Variants in ALG12 observed in about 807,000 individuals in gnomAD.
ALG12 encodes the protein ALG12 alpha-1,6-mannosyltransferase, also known as dol-P-Man:Man(7)GlcNAc(2)-PP-Dol alpha-1,6-mannosyltransferase.
ALG12 carries 36 observed loss-of-function variants against 46.0 expected under a neutral mutation model. That is an observed-to-expected ratio of 0.78 (90% CI 0.60 to 1.03). The LOEUF (loss-of-function observed/expected upper bound fraction) is 1.03, where lower values mean the gene tolerates loss of function less well. ALG12 is among the 50% of genes least tolerant of loss of function. ALG12 has a pLI of 0.00. For missense variants in ALG12, 599 were observed against 633.5 expected, an observed-to-expected ratio of 0.95 and a Z score of 0.58; for synonymous variants, 326 against 291.6, an observed-to-expected ratio of 1.12 and a Z score of -1.20.
At chr22:49,862,374 G>A in the ALG12 span, among the ~76,000 whole-genome samples, 7 of 152,252 alleles carry the variant, frequency 4.6e-5, no homozygotes, top group Non-Finnish European at 8.8e-5. Flanking sequence ...AAGTAGCTGG[G>A]ACTACGGGCG....
chr22:49,913,975 A>G (rs2060596403), intron 1 of ALG12, 132 bp from the exon 2 acceptor site: 1 of 622,780 alleles, frequency 1.6e-6, no homozygotes, highest in Non-Finnish European at 2.8e-6. Context: ...CTGAAAACGC[A>G]TCAAGATGGA....
At chr22:49,885,900 C>G in the ALG12 span, 1 of 1,058,980 alleles carries the variant, frequency 9.4e-7, no homozygotes. Context: ...ACCTGACCCT[C>G]ACGGCCCACT....
chr22:49,892,826 T>G, the ALG12 span, among the ~76,000 whole-genome samples: 1 of 152,128 alleles, frequency 6.6e-6, no homozygotes, highest in Non-Finnish European at 1.5e-5. Flanking sequence ...GATAAACAGT[T>G]TGACTCTCAT....
At chr22:49,918,093 T>C (rs1236899134) in intron 1 of ALG12, 170 bp downstream of exon 1, 1 of 134,092 alleles carries the variant, frequency 7.5e-6, no homozygotes, top group African/African-American at 3.1e-5. Context: ...CGGCCCCAAG[T>C]GAGGGGTGCA....
chr22:49,887,274 A>T, the ALG12 span: 1 of 1,339,088 alleles, frequency 7.5e-7, no homozygotes, highest in Non-Finnish European at 1.0e-6. Flanking sequence ...GCTGTGTACG[A>T]CATCAGACCA....
At chr22:49,861,262 C>T in the ALG12 span, among the ~76,000 whole-genome samples, 3 of 151,662 alleles carry the variant, frequency 2.0e-5, no homozygotes, top group African/African-American at 7.3e-5. Context: ...GTGCCTCAGC[C>T]TCCTGAGTAG....
At chr22:49,885,447 G>T in the ALG12 span, 1 of 1,610,954 alleles carries the variant, frequency 6.2e-7, no homozygotes, top group Non-Finnish European at 8.5e-7. Context: ...CGACTAACTT[G>T]GGTACCAGCT....
At chr22:49,892,730 G>GCAT in the ALG12 span, among the ~76,000 whole-genome samples, 1 of 152,190 alleles carries the variant, frequency 6.6e-6, no homozygotes, top group African/African-American at 2.4e-5. Flanking sequence ...AGCCTTGATT[G>GCAT]CATCAGGGCG....
At chr22:49,884,836 A>G in the ALG12 span, 1 of 1,610,472 alleles carries the variant, frequency 6.2e-7, no homozygotes. Context: ...CTCCCCTGAC[A>G]GGCTGACTGA....
At chr22:49,861,370 G>C in the ALG12 span, among the ~76,000 whole-genome samples, 3 of 152,106 alleles carry the variant, frequency 2.0e-5, no homozygotes, top group African/African-American at 7.2e-5. Flanking sequence ...TCAAACTCTT[G>C]GCTGCAAATG....
intron 3 of ALG12, among the ~76,000 whole-genome samples, chr22:49,912,614 C>T (rs1320202824): frequency 1.3e-5 from 2 of 152,234 alleles, no homozygotes; most frequent in African/African-American, 4.8e-5. Context: ...AAGCTCTCCA[C>T]ACAAGCTGGA....
chr22:49,884,479 A>G, the ALG12 span: 1 of 1,614,130 alleles, frequency 6.2e-7, no homozygotes, highest in Non-Finnish European at 8.5e-7. Flanking sequence ...CTTAGCGGAG[A>G]AGAGCCTTCC....
At chr22:49,860,547 T>C in the ALG12 span, among the ~76,000 whole-genome samples, 11 of 152,234 alleles carry the variant, frequency 7.2e-5, no homozygotes, top group Non-Finnish European at 1.6e-4. Context: ...AATAAAGTGC[T>C]GTATTTTAAA....
downstream of ALG12, among the ~76,000 whole-genome samples, chr22:49,895,280 A>G (rs1166980989): frequency 6.6e-6 from 1 of 152,122 alleles, no homozygotes; most frequent in Non-Finnish European, 1.5e-5. Context: ...GCTTCATTCT[A>G]GTCGTTTCTC....
the ALG12 span, among the ~76,000 whole-genome samples, chr22:49,872,551 A>C: frequency 6.6e-6 from 1 of 151,892 alleles, no homozygotes; most frequent in Non-Finnish European, 1.5e-5. Context: ...GTTTTTAGAG[A>C]TATGGTCTTG....
the ALG12 span, among the ~76,000 whole-genome samples, chr22:49,878,109 A>G: frequency 2.0e-5 from 3 of 152,210 alleles, no homozygotes; most frequent in African/African-American, 7.2e-5. Flanking sequence ...ATTCAAGACA[A>G]TCCTGGCCAA....
At chr22:49,864,839 A>AAAAAAG in the ALG12 span, among the ~76,000 whole-genome samples, 61 of 133,134 alleles carry the variant, frequency 4.6e-4, 2 homozygotes, top group African/African-American at 1.9e-3. Context: ...AAAAAAAAAA[A>AAAAAAG]GCCCTGATTA....
At position 49,918,393 on chromosome 22, in the gene ALG12, C is replaced by T. The variant is rs1441254967; in HGVS notation, c.-209G>A. On this transcript the variant is annotated 5_prime_UTR_variant, in exon 1 of 10. Coordinates refer to ENST00000330817, the MANE Select transcript of ALG12 (RefSeq NM_024105.4). ...CCAAATCTAAAGTGGCTACCGCAGC[C>T]CCGGCCGCTACGGCCGCAGAGACCC... 6.0e-6 allele frequency: 1 copy of T among 167,958 alleles called. No homozygotes were observed. The highest frequency in any genetic ancestry group is 2.4e-5 in the African/African-American group (1 of 42,106). 10.4% of individuals were successfully genotyped at this position (167,958 alleles called of 1,614,324 possible).
At chr22:49,865,398 C>G in the ALG12 span, among the ~76,000 whole-genome samples, 3 of 152,030 alleles carry the variant, frequency 2.0e-5, no homozygotes, top group Non-Finnish European at 4.4e-5. Flanking sequence ...GCCTCTAATC[C>G]CAGCACTTCG....
Sources: allele counts gnomAD v4.1 joint callset (sites outside exome capture counted in the v4.1 genomes callset), GRCh38; gene constraint gnomAD v4.1.1; transcripts MANE v1.5; gene names NCBI Gene and HGNC (gene_info 2026-07-23, HGNC 2026-07-21).